ALDH4A1: variants seen among roughly 807,000 people sequenced by gnomAD.
ALDH4A1 encodes the protein aldehyde dehydrogenase 4 family member A1.
A neutral mutation model predicts 70.5 loss-of-function variants in ALDH4A1; 46 were observed. The ratio of observed to expected loss-of-function variants is 0.65; its 90% CI spans 0.51 to 0.83. ALDH4A1 has a LOEUF of 0.83. ALDH4A1 is among the 40% of genes least tolerant of loss of function. ALDH4A1 has a pLI of 0.00. For missense variants in ALDH4A1, 749 were observed against 766.5 expected (o/e 0.98, Z 0.27); for synonymous variants, 323 against 324.3 (o/e 1.00, Z 0.04).
intron 1 of ALDH4A1, chr1:18,890,610 G>T: frequency 1.1e-6 from 1 of 870,688 alleles, no homozygotes; most frequent in Non-Finnish European, 1.4e-6. Flanking sequence ...CCAGTCCCAC[G>T]GTTGTGTGTC....
chr1:18,879,762 C>A (rs1195860657), intron 8 of ALDH4A1, among the ~76,000 whole-genome samples: 1 of 152,194 alleles, frequency 6.6e-6, no homozygotes, highest in Non-Finnish European at 1.5e-5. Flanking sequence ...ACTGCAGGTA[C>A]CTGGCAGGGA....
chr1:18,879,805 C>A (rs552739511), intron 8 of ALDH4A1, among the ~76,000 whole-genome samples: 3 of 152,298 alleles, frequency 2.0e-5, no homozygotes, highest in African/African-American at 7.2e-5. Context: ...AAGGATCCCC[C>A]CCAAGCCCAG....
In ALDH4A1 at chr1:18,876,362, G is replaced by C. The variant is rs544211563; in HGVS notation, c.1291C>G (p.Pro431Ala). The change falls in exon 12 of 15, where the codon CCC becomes GCC. Residue 431 changes from proline to alanine, a missense_variant. Physicochemically the swap from Pro to Ala is conservative, Grantham distance 27. Transcript: ENST00000375341. ...CDDSVGYFVE[P>A]CIVESKDPQE... ...GGGTCCTTGCTCTCCACGATGCAGG[G>C]CTCCACAAAGTAGCCCACGGAGTCA... 6.2e-7 allele frequency: 1 copy of C among 1,613,926 alleles called. No homozygotes were observed. Among genetic ancestry groups the C allele is most frequent in the Admixed American group, 1.7e-5 (1 of 60,022 alleles).
At chr1:18,897,757 G>A (rs1242196077) in intron 1 of ALDH4A1, among the ~76,000 whole-genome samples, 2 of 152,172 alleles carry the variant, frequency 1.3e-5, no homozygotes, top group African/African-American at 2.4e-5. Flanking sequence ...ACATCTCAGA[G>A]GCCCATGGTC....
rs1460681799 is a variant in ALDH4A1, at chr1:18,881,861, A to G, written c.705T>C (p.Ser235=). Residue 235 remains serine (S), a synonymous_variant, in exon 8 of 15, where the codon AGT becomes AGC. Transcript: ENST00000375341. ...LMGNVVLWKP[S]DTAMLASYAV... is the part of the protein sequence containing the mutation. ...CATAGCTGGCCAGCATGGCAGTGTC[A>G]CTGGGCTTCCATAGGACCACGTTGC... The G allele has an allele frequency of 3.1e-6, 5 of 1,613,590 alleles. No individual in the cohort carries two copies. The highest frequency in any genetic ancestry group is 4.2e-6 in the Non-Finnish European group (5 of 1,180,044).
rs148586081 is a variant in ALDH4A1 at position 18,876,401 on chromosome 1, C to G, written c.1252G>C (p.Gly418Arg). ...RSSPSLTILA[G>R]GKCDDSVGYF... ...CCCACGGAGTCATCACACTTGCCCCCGGCCAGGATGGTGAGGCTGGGTGAG... is the reference window on the plus strand; with the variant it reads ...CCCACGGAGTCATCACACTTGCCCCGGGCCAGGATGGTGAGGCTGGGTGAG... Residue 418 changes from glycine to arginine, a missense_variant, in exon 12 of 15, where the codon GGG becomes CGG. Coordinates refer to ENST00000375341, the MANE Select transcript of ALDH4A1 (RefSeq NM_003748.4). 38 of 1,613,334 alleles carry G rather than the reference C, an allele frequency of 2.4e-5. No homozygotes were observed. In the Middle Eastern group the frequency reaches 8.3e-4, roughly 35 times the overall value.
chr1:18,902,302 G>C (rs1935826142), intron 1 of ALDH4A1, among the ~76,000 whole-genome samples, 160 bp downstream of exon 1: 1 of 152,218 alleles, frequency 6.6e-6, no homozygotes. Flanking sequence ...AGAAAGGCCT[G>C]GGTGGGGGTC....
intron 5 of ALDH4A1, among the ~76,000 whole-genome samples, chr1:18,883,847 G>C (rs992655158): frequency 6.6e-6 from 1 of 152,230 alleles, no homozygotes; most frequent in African/African-American, 2.4e-5. Flanking sequence ...AACCAGGAGA[G>C]AGACTCGGTG....
rs1176693022 is a variant in ALDH4A1, at chr1:18,889,363, G to A, written c.248C>T (p.Ser83Leu). ...VWTSDVQYQVSPFNHGHKVAK... is the reference protein window; with the variant it reads ...VWTSDVQYQVLPFNHGHKVAK... ...GCTCTGCCCACCCGCTGGACATACC[G>A]ACACTTGGTACTGCACGTCCGACGT... The change falls in exon 3 of 15, where the codon TCG becomes TTG. Residue 83 changes from serine to leucine, a missense_variant and splice_region_variant. Ser to Leu is a moderately radical substitution (Grantham distance 145). Transcript: ENST00000375341. 7 of 1,551,926 alleles carry A rather than the reference G, an allele frequency of 4.5e-6. No homozygotes were observed. Among genetic ancestry groups the A allele is most frequent in the South Asian group, 2.4e-5 (2 of 84,074 alleles).
At chr1:18,897,619 T>C (rs973884210) in intron 1 of ALDH4A1, among the ~76,000 whole-genome samples, 1 of 152,216 alleles carries the variant, frequency 6.6e-6, no homozygotes, top group Non-Finnish European at 1.5e-5. Flanking sequence ...CGTAGAATGA[T>C]CTGTTTACGG....
At chr1:18,891,028 T>C (rs1439455606) in intron 1 of ALDH4A1, 3 of 287,290 alleles carry the variant, frequency 1.0e-5, no homozygotes, top group African/African-American at 4.6e-5. Flanking sequence ...ACACTGAGTC[T>C]CAAGAACTCC....
chr1:18,887,491 G>A (rs958183359), intron 3 of ALDH4A1, among the ~76,000 whole-genome samples: 1 of 152,130 alleles, frequency 6.6e-6, no homozygotes, highest in African/African-American at 2.4e-5. Context: ...CCCAGCTACT[G>A]GGGAGGCTGA....
At chr1:18,900,509 C>T (rs1446167340) in intron 1 of ALDH4A1, among the ~76,000 whole-genome samples, 1 of 152,180 alleles carries the variant, frequency 6.6e-6, no homozygotes, top group Admixed American at 6.5e-5. Flanking sequence ...CCTGTCAGGG[C>T]CAGGGTTTTT....
In ALDH4A1 at chr1:18,876,609, CAAAA is replaced by C. The variant is rs1363178372; in HGVS notation, c.1186-146_1186-143del. The C allele has an allele frequency of 8.8e-6, 8 of 913,144 alleles. No individual in the cohort carries two copies. The East Asian group carries it at 2.3e-4, about 26-fold the overall frequency. The allele number at this position is 913,144 out of a possible 1,614,324, so 56.6% of individuals were successfully genotyped here. ...GGGCAGGGGTAGGGGACGCCAAGGG[CAAAA>C]GCCAGGGTCTGGCTGAGCCACAGCA... On this transcript the variant is annotated intron_variant, in intron 11 of 14. Transcript: ENST00000375341.
chr1:18,902,236 C>T (rs1935823999), intron 1 of ALDH4A1, among the ~76,000 whole-genome samples: 1 of 152,024 alleles, frequency 6.6e-6, no homozygotes, highest in Non-Finnish European at 1.5e-5. Context: ...GAAGAGGGGT[C>T]CCCTCGCTAA....
intron 11 of ALDH4A1, among the ~76,000 whole-genome samples, chr1:18,876,822 C>T (rs1046813086): frequency 6.6e-5 from 10 of 152,092 alleles, no homozygotes; most frequent in Non-Finnish European, 8.8e-5. Context: ...CATGTACATG[C>T]GTGTGGGTGG....
Position 18,885,427 on chromosome 1 carries a change from T to TCCCCCCCCCCCCCCCCC in ALDH4A1, c.453+45_453+46insGGGGGGGGGGGGGGGGG. 3.1e-5 allele frequency: 20 copies of TCCCCCCCCCCCCCCCCC among 650,916 alleles called. 2 individuals carry two copies. The highest frequency in any genetic ancestry group is 4.6e-5 in the Non-Finnish European group (17 of 367,426). The allele number at this position is 650,916 out of a possible 1,614,324, so 40.3% of individuals were successfully genotyped here. A position where few individuals can be genotyped will look rare whatever the true frequency, so the allele number is the denominator to read the frequency against. ...CTGCCATGGGTAGGGCACACCTGAC[T>TCCCCCCCCCCCCCCCCC]CCCACCCCACCCCGCCCCACCCACC... On this transcript the variant is annotated intron_variant, in intron 5 of 14. Coordinates refer to ENST00000375341, the MANE Select transcript of ALDH4A1 (RefSeq NM_003748.4).
At chr1:18,875,806 C>T (rs1328961059) in intron 12 of ALDH4A1, among the ~76,000 whole-genome samples, 1 of 152,214 alleles carries the variant, frequency 6.6e-6, no homozygotes, top group Non-Finnish European at 1.5e-5. Flanking sequence ...CTTCCAGCAG[C>T]AGCTGGCATG....
rs1441011771 is a variant in ALDH4A1 at position 18,885,577 on chromosome 1, C to T, written c.349G>A (p.Asp117Asn). The T allele has an allele frequency of 6.2e-7, 1 of 1,613,746 alleles. No homozygotes were observed. Residue 117 changes from aspartate (D) to asparagine (N), a missense_variant, in exon 5 of 15, where the codon GAC (aspartate) becomes AAC (asparagine). By Grantham distance (23) the Asp-to-Asn change is conservative (BLOSUM62 1). Transcript: ENST00000375341. The part of the protein sequence containing the change: ...EAALAARKEW[D>N]LKPIADRAQI... ...GCCCGGTCTGCAATAGGCTTCAGGTCCCACTCTTTCCGGGCAGCCAGGGCA... is the reference window on the plus strand; with the variant it reads ...GCCCGGTCTGCAATAGGCTTCAGGTTCCACTCTTTCCGGGCAGCCAGGGCA...
Sources: allele counts gnomAD v4.1 joint callset (sites outside exome capture counted in the v4.1 genomes callset), GRCh38; gene constraint gnomAD v4.1.1; transcripts MANE v1.5; gene names NCBI Gene and HGNC (gene_info 2026-07-23, HGNC 2026-07-21).